Variants in AMD1 observed in about 807,000 individuals in gnomAD.
The protein encoded by AMD1 is adenosylmethionine decarboxylase 1, also known as S-adenosylmethionine decarboxylase proenzyme.
Under a neutral mutation model 40.2 loss-of-function variants are expected in AMD1, and 11 were observed. That is an observed-to-expected ratio of 0.27 (90% CI 0.17 to 0.45). AMD1 has a LOEUF of 0.45. Ranked by LOEUF, AMD1 falls within the 20% of genes least tolerant of loss-of-function variation. The probability of loss-of-function intolerance (pLI) is 1.00; values close to 1 mark genes in which losing one functional copy is unlikely to be tolerated. For synonymous variants in AMD1, 121 were observed against 130.8 expected (o/e 0.93, Z 0.51); for missense variants, 257 against 410.2 (o/e 0.63, Z 3.23).
chr6:110,871,788 T>C (rs1784922630), upstream of AMD1, among the ~76,000 whole-genome samples: 6 of 152,166 alleles, frequency 3.9e-5, no homozygotes, highest in South Asian at 1.2e-3. Context: ...GTCTCAAAGG[T>C]TTGAAATTCA....
At chr6:110,849,980 T>C in the AMD1 span, among the ~76,000 whole-genome samples, 1 of 151,710 alleles carries the variant, frequency 6.6e-6, no homozygotes, top group Non-Finnish European at 1.5e-5. Context: ...AGCTGTGATC[T>C]TGCCACTGAA....
chr6:110,855,594 G>C, the AMD1 span, among the ~76,000 whole-genome samples: 2 of 152,054 alleles, frequency 1.3e-5, no homozygotes, highest in African/African-American at 4.8e-5. Flanking sequence ...TCTTGTCTAG[G>C]ACATTTCAAG....
chr6:110,888,724 G>A (rs1410813221), intron 2 of AMD1, 133 bp from the exon 3 acceptor site: 1 of 821,602 alleles, frequency 1.2e-6, no homozygotes, highest in Non-Finnish European at 1.9e-6. Flanking sequence ...AAAGAATAAT[G>A]TGTTACTTGC....
upstream of AMD1, among the ~76,000 whole-genome samples, chr6:110,871,124 T>C (rs968498347): frequency 6.6e-6 from 1 of 152,188 alleles, no homozygotes; most frequent in African/African-American, 2.4e-5. Context: ...TGGAGGATAA[T>C]TAATTCAGGA....
chr6:110,846,345 T>A, the AMD1 span, among the ~76,000 whole-genome samples: 1 of 152,150 alleles, frequency 6.6e-6, no homozygotes, highest in Non-Finnish European at 1.5e-5. Context: ...GGAAGACAAA[T>A]CTAAAATTAA....
Position 110,892,516 on chromosome 6 carries a change from CTT to C in AMD1, c.615+76_615+77del, listed in dbSNP as rs1374183494. On this transcript the variant is annotated intron_variant, in intron 6 of 8. Coordinates refer to ENST00000368885, the MANE Select transcript of AMD1 (RefSeq NM_001634.6). ...CTAAATTTTATTTTTCATTCTGTAA[CTT>C]TTAAGTTCAGGGTAACAAGTGCTAG... 7.6e-6 allele frequency: 12 copies of C among 1,588,084 alleles called. No homozygotes were observed. The South Asian group carries it at 1.4e-4, about 18-fold the overall frequency.
chr6:110,852,441 C>A, the AMD1 span, among the ~76,000 whole-genome samples: 9 of 151,704 alleles, frequency 5.9e-5, no homozygotes, highest in Non-Finnish European at 1.3e-4. Context: ...AGGCTGTTCT[C>A]GAACTCCTGA....
In AMD1 at chr6:110,892,281, T is replaced by C; in HGVS notation, c.471-18T>C. 6.2e-7 allele frequency: 1 copy of C among 1,613,528 alleles called. No homozygotes were observed. The highest frequency in any genetic ancestry group is 1.3e-5 in the African/African-American group (1 of 75,002). ...TGCCAATTGTCATTTTTAGGAACTA[T>C]TTTTAATTTTTATTTAGGTACTTAT... On this transcript the variant is annotated intron_variant, in intron 5 of 8. Transcript: ENST00000368885.
chr6:110,820,258 T>G, the AMD1 span, among the ~76,000 whole-genome samples: 1 of 150,904 alleles, frequency 6.6e-6, no homozygotes, highest in East Asian at 2.0e-4. Flanking sequence ...TTTTTTGAGA[T>G]GGACTTTTGC....
chr6:110,856,291 T>C, the AMD1 span: 1 of 152,014 alleles, frequency 6.6e-6, no homozygotes, highest in Non-Finnish European at 1.5e-5. Flanking sequence ...TGAGCATGCA[T>C]ACATCAAAAA....
chr6:110,848,530 A>T, the AMD1 span: 1 of 314,178 alleles, frequency 3.2e-6, no homozygotes, highest in East Asian at 1.2e-4. Context: ...GCAAAAAACA[A>T]CAACAACAAC....
At chr6:110,892,121 G>C in intron 4 of AMD1, 40 bp from the exon 5 acceptor site, 1 of 1,602,468 alleles carries the variant, frequency 6.2e-7, no homozygotes, top group Non-Finnish European at 8.5e-7. Context: ...CCTATTAAAT[G>C]GATGTGTTAT....
chr6:110,874,480 T>A (rs1162059130), upstream of AMD1, among the ~76,000 whole-genome samples: 5 of 151,452 alleles, frequency 3.3e-5, no homozygotes, highest in African/African-American at 1.2e-4. Context: ...TAAACAGCTC[T>A]GCACAGCCTT....
the AMD1 span, chr6:110,858,339 T>G: frequency 9.8e-6 from 8 of 812,924 alleles, no homozygotes; most frequent in Non-Finnish European, 1.7e-5. Flanking sequence ...GAGGTAGAGC[T>G]CCGCAGCTGG....
chr6:110,825,983 A>C, the AMD1 span, among the ~76,000 whole-genome samples: 1 of 151,974 alleles, frequency 6.6e-6, no homozygotes, highest in African/African-American at 2.4e-5. Context: ...CCTGGGCAAC[A>C]GAGTAAGACC....
In AMD1 at chr6:110,892,672, T is replaced by G. The variant is rs1157916197; in HGVS notation, c.616-63T>G. The G allele has an allele frequency of 3.8e-6, 6 of 1,577,980 alleles. No homozygotes were observed. The East Asian group carries it at 1.1e-4, about 30-fold the overall frequency. On this transcript the variant is annotated intron_variant, in intron 6 of 8. Transcript: ENST00000368885. ...CCCTTCTCCCACCCTGGGACTAAAT[T>G]TTGGACTCAATTGAAGTTTATTTGT... is the stretch of plus-strand genomic sequence containing the variant.
the AMD1 span, among the ~76,000 whole-genome samples, chr6:110,836,628 ATAAG>A: frequency 0.14 from 22,020 of 152,114 alleles, 1,758 homozygotes; most frequent in East Asian, 0.31. Flanking sequence ...TTAATAAAAC[ATAAG>A]TAAGACACAA....
chr6:110,859,305 G>A, the AMD1 span, among the ~76,000 whole-genome samples: 1 of 151,624 alleles, frequency 6.6e-6, no homozygotes, highest in South Asian at 2.1e-4. Flanking sequence ...CTTCCCCCTT[G>A]CCTTGGTCCT....
At chr6:110,852,727 C>T in the AMD1 span, among the ~76,000 whole-genome samples, 2 of 152,178 alleles carry the variant, frequency 1.3e-5, no homozygotes, top group Admixed American at 6.5e-5. Context: ...TTACAACAAA[C>T]TTCTTATGCA....
Sources: gnomAD v4.1 joint callset for allele counts (sites outside exome capture counted in the v4.1 genomes callset) on GRCh38, gnomAD v4.1.1 for gene constraint, MANE v1.5 for transcripts, NCBI Gene and HGNC (gene_info 2026-07-23, HGNC 2026-07-21) for gene names.